METTL25B: variants seen among roughly 807,000 people sequenced by gnomAD.
METTL25B encodes the protein methyltransferase-like protein 25B.
Under a neutral mutation model 48.4 loss-of-function variants are expected in METTL25B, and 38 were observed. The ratio of observed to expected loss-of-function variants is 0.78; its 90% CI spans 0.61 to 1.03. The LOEUF is 1.03. Ranked by LOEUF, METTL25B falls within the 50% of genes least tolerant of loss-of-function variation. The pLI is 0.00. For synonymous variants in METTL25B, 230 were observed against 254.5 expected, an observed-to-expected ratio of 0.90 and a Z score of 0.92; for missense variants, 537 against 603.7, an observed-to-expected ratio of 0.89 and a Z score of 1.16.
chr1:156,731,083 G>A (rs1482098954), intron 1 of METTL25B, among the ~76,000 whole-genome samples: 1 of 152,166 alleles, frequency 6.6e-6, no homozygotes, highest in Non-Finnish European at 1.5e-5. Flanking sequence ...TGTTTCATTA[G>A]TGTTTTGTCT....
rs3806415 is a variant in METTL25B, at chr1:156,728,473, C to T, written c.-632C>T. On this transcript the variant is annotated 5_prime_UTR_variant, in exon 1 of 8. Coordinates refer to ENST00000368216, the MANE Select transcript of METTL25B (RefSeq NM_015997.4). ...CCGGAGCCGGATGCGGAAATCGGTG[C>T]GCGCCGACGAAGCCCGGGAAGGCAG... The T allele has an allele frequency of 0.31, 304,699 of 984,286 alleles. 49,050 individuals are homozygous for T. Among genetic ancestry groups the T allele is most frequent in the Non-Finnish European group, 0.33 (273,211 of 829,862 alleles). 61.0% of individuals were successfully genotyped at this position (984,286 alleles called of 1,614,324 possible). A position where few individuals can be genotyped will look rare whatever the true frequency, so the allele number is the denominator to read the frequency against.
chr1:156,733,436 G>A lies in METTL25B; in HGVS notation c.552G>A (p.Gly184=), dbSNP rs753789101. 2 of 1,614,066 alleles carry A rather than the reference G, an allele frequency of 1.2e-6. No homozygotes were observed. The highest frequency in any genetic ancestry group is 1.1e-5 in the South Asian group (1 of 91,082). ...GLGLMVKSIE[G]DQRLVERAQR... is the part of the protein sequence containing the mutation. Reference sequence around the variant, plus strand: ...GGTTGATGGTGAAGAGCATCGAAGGGGATCAGAGACTGGTGGAGAGAGCCC... The same window carrying A: ...GGTTGATGGTGAAGAGCATCGAAGGAGATCAGAGACTGGTGGAGAGAGCCC... Residue 184 remains glycine (G), a synonymous_variant, in exon 5 of 8, where the codon GGG becomes GGA. Coordinates refer to ENST00000368216, the MANE Select transcript of METTL25B (RefSeq NM_015997.4).
At chr1:156,729,414 T>TC (rs959555300) in intron 1 of METTL25B, 199 bp downstream of exon 1, 11 of 476,110 alleles carry the variant, frequency 2.3e-5, no homozygotes, top group African/African-American at 2.3e-4. Flanking sequence ...TCTTTTTTTT[T>TC]CTTTTTCTTT....
intron 1 of METTL25B, chr1:156,729,450 G>C: frequency 3.0e-6 from 1 of 337,048 alleles, no homozygotes; most frequent in East Asian, 6.5e-5. Flanking sequence ...TTTTTGAGAC[G>C]GAGTCTCGCT....
chr1:156,729,042 G>A lies in METTL25B; in HGVS notation c.-63G>A. 4 of 966,628 alleles carry A rather than the reference G, an allele frequency of 4.1e-6. No homozygotes were observed. The highest frequency in any genetic ancestry group is 1.4e-5 in the South Asian group (1 of 71,876). 59.9% of individuals were successfully genotyped at this position (966,628 alleles called of 1,614,324 possible). A position where few individuals can be genotyped will look rare whatever the true frequency, so the allele number is the denominator to read the frequency against. ...CCCGTCCGGGTCCTGGACCCGCGTA[G>A]TACTGACCCTGGATCCCTGTTCACT... is the stretch of plus-strand genomic sequence containing the variant. On this transcript the variant is annotated 5_prime_UTR_variant, in exon 1 of 8. Transcript: ENST00000368216.
chr1:156,729,281 G>T lies in METTL25B; in HGVS notation c.111+66G>T, dbSNP rs538861947. 42 of 888,898 alleles carry T rather than the reference G, an allele frequency of 4.7e-5. No homozygotes were observed. The South Asian group carries it at 5.5e-4, about 12-fold the overall frequency. The allele number at this position is 888,898 out of a possible 1,614,324, so 55.1% of individuals were successfully genotyped here. Reference sequence around the variant, plus strand: ...TGGTTGGCTAGGTGCCCACGTCAGGGAGAGAATCTGGAGAATTAGCCTCTG... The same window carrying T: ...TGGTTGGCTAGGTGCCCACGTCAGGTAGAGAATCTGGAGAATTAGCCTCTG... On this transcript the variant is annotated intron_variant, in intron 1 of 7. Transcript: ENST00000368216.
chr1:156,734,074 G>T lies in METTL25B; in HGVS notation c.702G>T (p.Leu234=). 6.2e-7 allele frequency: 1 copy of T among 1,614,142 alleles called. No homozygotes were observed. Among genetic ancestry groups the T allele is most frequent in the Non-Finnish European group, 8.5e-7 (1 of 1,180,016 alleles). Residue 234 remains leucine (L), a synonymous_variant, in exon 6 of 8, where the codon CTG becomes CTT. Coordinates refer to ENST00000368216, the MANE Select transcript of METTL25B (RefSeq NM_015997.4). ...HVVRWVDPTA[L]CEELLLPLEN... ...TTAGGTGGGTAGACCCCACAGCCCT[G>T]TGTGAGGAGCTTCTGCTTCCACTGG...
In METTL25B at chr1:156,733,734, A is replaced by G. The variant is rs943610389; in HGVS notation, c.636+214A>G. 1.4e-5 allele frequency: 9 copies of G among 652,432 alleles called. No homozygotes were observed. In the South Asian group the frequency reaches 1.8e-4, roughly 13 times the overall value. 40.4% of individuals were successfully genotyped at this position (652,432 alleles called of 1,614,324 possible). ...TACAAAGTGCTTTCCACACCAATGT[A>G]TACTTCTCACTACCTGTGAAGTGGC... On this transcript the variant is annotated intron_variant, in intron 5 of 7. Transcript: ENST00000368216.
chr1:156,735,418 G>A (rs1467304824), intron 6 of METTL25B, among the ~76,000 whole-genome samples: 1 of 144,416 alleles, frequency 6.9e-6, no homozygotes, highest in African/African-American at 2.6e-5. Flanking sequence ...AAAAATACAT[G>A]GCCAGGTGTG....
In METTL25B at chr1:156,734,358, T is replaced by C. The variant is rs773395284; in HGVS notation, c.986T>C (p.Leu329Pro). 4 of 1,613,824 alleles carry C rather than the reference T, an allele frequency of 2.5e-6. No homozygotes were observed. Among genetic ancestry groups the C allele is most frequent in the Non-Finnish European group, 3.4e-6 (4 of 1,179,952 alleles). The change falls in exon 6 of 8, where the codon CTA becomes CCA. Residue 329 changes from leucine (L) to proline (P), a missense_variant. By Grantham distance (98) the Leu-to-Pro change is moderately conservative. Coordinates refer to ENST00000368216, the MANE Select transcript of METTL25B (RefSeq NM_015997.4). ...GCCCTGGAGGAATATGCTGAGCGGC[T>C]ACAGAAAGCTGGCCCTGGCCTTCGA... ...CHALEEYAER[L>P]QKAGPGLRTH...
chr1:156,733,271 A>T, intron 4 of METTL25B, 106 bp from the exon 5 acceptor site: 2 of 1,371,984 alleles, frequency 1.5e-6, no homozygotes, highest in Non-Finnish European at 1.0e-6. Context: ...GGTAAAATTT[A>T]AGCCTTCTGT....
Position 156,728,485 on chromosome 1 carries a change from G to A in METTL25B, c.-620G>A, listed in dbSNP as rs993524018. ...GCGGAAATCGGTGCGCGCCGACGAA[G>A]CCCGGGAAGGCAGGCGCGCGGGTTA... On this transcript the variant is annotated 5_prime_UTR_variant, in exon 1 of 8. Coordinates refer to ENST00000368216, the MANE Select transcript of METTL25B (RefSeq NM_015997.4). 2 of 985,532 alleles carry A rather than the reference G, an allele frequency of 2.0e-6. No individual in the cohort carries two copies. Among genetic ancestry groups the A allele is most frequent in the African/African-American group, 3.5e-5 (2 of 57,248 alleles). The allele number at this position is 985,532 out of a possible 1,614,324, so 61.0% of individuals were successfully genotyped here.
rs746357318 is a variant in METTL25B at position 156,734,081 on chromosome 1, G to A, written c.709G>A (p.Glu237Lys). ...GGTAGACCCCACAGCCCTGTGTGAGGAGCTTCTGCTTCCACTGGAGAACCC... is the reference window on the plus strand; with the variant it reads ...GGTAGACCCCACAGCCCTGTGTGAGAAGCTTCTGCTTCCACTGGAGAACCC... ...RWVDPTALCE[E>K]LLLPLENPCQ... is the part of the protein sequence containing the mutation. Residue 237 changes from glutamate to lysine, a missense_variant, in exon 6 of 8, where the codon GAG becomes AAG. Physicochemically the swap from Glu to Lys is moderately conservative, Grantham distance 56. Coordinates refer to ENST00000368216, the MANE Select transcript of METTL25B (RefSeq NM_015997.4). 2 of 1,614,060 alleles carry A rather than the reference G, an allele frequency of 1.2e-6. No homozygotes were observed. The highest frequency in any genetic ancestry group is 1.7e-6 in the Non-Finnish European group (2 of 1,180,038).
In METTL25B at chr1:156,735,826, CCTT is replaced by C. The variant is rs759545324; in HGVS notation, c.1228_1230del (p.Phe410del). 3.7e-6 allele frequency: 6 copies of C among 1,612,826 alleles called. No individual in the cohort carries two copies. The highest frequency in any genetic ancestry group is 1.7e-5 in the Admixed American group (1 of 59,806). On this transcript the variant is annotated inframe_deletion, in exon 7 of 8. Coordinates refer to ENST00000368216, the MANE Select transcript of METTL25B (RefSeq NM_015997.4). ...GTGGCCCAGGAGAACCGTGTGGTGGCCTTCTTCAGCCTGGCTCTACTGCTTGCC... is the reference window on the plus strand; with the variant it reads ...GTGGCCCAGGAGAACCGTGTGGTGGCCTTCAGCCTGGCTCTACTGCTTGCC...
chr1:156,736,804 G>C lies in METTL25B; in HGVS notation c.*51G>C, dbSNP rs374022799. The stretch of plus-strand genomic sequence containing the variant: ...CCCATCATCTGAAAGTGCCCAGAGA[G>C]CACAGTGGCAGAGTACATCTCATCC... On this transcript the variant is annotated 3_prime_UTR_variant, in exon 8 of 8. Coordinates refer to ENST00000368216, the MANE Select transcript of METTL25B (RefSeq NM_015997.4). The C allele has an allele frequency of 4.5e-6, 7 of 1,569,394 alleles. No homozygotes were observed. Among genetic ancestry groups the C allele is most frequent in the Admixed American group, 1.8e-5 (1 of 56,236 alleles).
At position 156,734,348 on chromosome 1, in the gene METTL25B, G is replaced by A. The variant is rs1228267497; in HGVS notation, c.976G>A (p.Ala326Thr). 7 of 1,614,052 alleles carry A rather than the reference G, an allele frequency of 4.3e-6. No individual in the cohort carries two copies. The highest frequency in any genetic ancestry group is 5.1e-6 in the Non-Finnish European group (6 of 1,179,966). Residue 326 changes from alanine to threonine, a missense_variant, in exon 6 of 8, where the codon GCT becomes ACT. Ala to Thr is a moderately conservative substitution (Grantham distance 58). Coordinates refer to ENST00000368216, the MANE Select transcript of METTL25B (RefSeq NM_015997.4). The part of the protein sequence containing the change: ...EGACHALEEY[A>T]ERLQKAGPGL... ...GGCCTGCCATGCCCTGGAGGAATAT[G>A]CTGAGCGGCTACAGAAAGCTGGCCC...
In METTL25B at chr1:156,732,078, A is replaced by T. The variant is rs769103312; in HGVS notation, c.199A>T (p.Met67Leu). The T allele has an allele frequency of 6.2e-7, 1 of 1,614,118 alleles. No individual in the cohort carries two copies. The highest frequency in any genetic ancestry group is 8.5e-7 in the Non-Finnish European group (1 of 1,180,044). The stretch of plus-strand genomic sequence containing the variant: ...ACTGAAACCACCACAGCTGGCCACA[A>T]TGCTGCTGGGGATGCCTGGGGAAGG... ...DGLKPPQLATMLLGMPGEGEV... is the reference protein window; with the variant it reads ...DGLKPPQLATLLLGMPGEGEV... The change falls in exon 2 of 8, where the codon ATG (methionine) becomes TTG (leucine). Residue 67 changes from methionine to leucine, a missense_variant. By Grantham distance (15) the Met-to-Leu change is conservative. Coordinates refer to ENST00000368216, the MANE Select transcript of METTL25B (RefSeq NM_015997.4).
In METTL25B at chr1:156,728,668, C is replaced by T. The variant is rs1044618288; in HGVS notation, c.-437C>T. ...ATGCGCTCCCCGGCCCCTCTAGCCC[C>T]GTGGTGGTACAACGCGAAGGTGTGG... On this transcript the variant is annotated 5_prime_UTR_variant, in exon 1 of 8. Transcript: ENST00000368216. 3.2e-5 allele frequency: 32 copies of T among 987,200 alleles called. No individual in the cohort carries two copies. Among genetic ancestry groups the T allele is most frequent in the East Asian group, 2.3e-4 (2 of 8,866 alleles). The allele number at this position is 987,200 out of a possible 1,614,324, so 61.2% of individuals were successfully genotyped here. A position where few individuals can be genotyped will look rare whatever the true frequency, so the allele number is the denominator to read the frequency against.
intron 5 of METTL25B, 128 bp downstream of exon 5, chr1:156,733,648 C>T (rs1017178284): frequency 1.9e-6 from 2 of 1,040,368 alleles, no homozygotes; most frequent in Non-Finnish European, 1.4e-6. Flanking sequence ...ATTTCTATTA[C>T]CTCTTTCCCA....
Sources: allele counts gnomAD v4.1 joint callset (sites outside exome capture counted in the v4.1 genomes callset), GRCh38; gene constraint gnomAD v4.1.1; transcripts MANE v1.5; gene names NCBI Gene and HGNC (gene_info 2026-07-23, HGNC 2026-07-21).